The following VPS13B variants were observed in gnomAD, a reference collection of about 807,000 sequenced individuals.
VPS13B encodes the protein intermembrane lipid transfer protein VPS13B.
A neutral mutation model predicts 426.4 loss-of-function variants in VPS13B; 285 were observed. The observed-to-expected ratio is 0.67, with a 90% CI of 0.61 to 0.74. The LOEUF (loss-of-function observed/expected upper bound fraction) is 0.74. Among genes scored for constraint, VPS13B ranks in the 30% least tolerant of loss-of-function variants. The pLI is 0.00. For missense variants in VPS13B, 4,537 were observed against 4,782.6 expected, an observed-to-expected ratio of 0.95 and a Z score of 1.51; for synonymous variants, 1,676 against 1,676.4, an observed-to-expected ratio of 1.00 and a Z score of 0.01.
rs780752470 is a variant in VPS13B, at chr8:99,778,890, C to T, written c.7638C>T (p.Phe2546=). 5 of 1,614,008 alleles carry T rather than the reference C, an allele frequency of 3.1e-6. No homozygotes were observed. The South Asian group carries it at 5.5e-5, about 18-fold the overall frequency. The change falls in exon 42 of 62, where the codon TTC becomes TTT. Residue 2546 remains phenylalanine (F), a synonymous_variant. Coordinates refer to ENST00000357162, the MANE Select transcript of VPS13B (RefSeq NM_152564.5). ...CTATGCAAAGTGTGGTGAAACCCTTCAGCATCTTCGGGCAGATGGCAGTTT... is the reference window on the plus strand; with the variant it reads ...CTATGCAAAGTGTGGTGAAACCCTTTAGCATCTTCGGGCAGATGGCAGTTT... The part of the protein sequence containing the change: ...NVTMQSVVKP[F]SIFGQMAVSS...
At chr8:99,149,504 G>A (rs1452384744) in intron 14 of VPS13B, among the ~76,000 whole-genome samples, 1 of 152,096 alleles carries the variant, frequency 6.6e-6, no homozygotes, top group African/African-American at 2.4e-5. Flanking sequence ...TTTTAGTAGA[G>A]ACAGGATTTC....
intron 33 of VPS13B, among the ~76,000 whole-genome samples, chr8:99,595,592 C>G (rs997390429): frequency 6.6e-6 from 1 of 151,236 alleles, no homozygotes; most frequent in Non-Finnish European, 1.5e-5. Context: ...CACCAAATCA[C>G]AAAAACTAAA....
intron 17 of VPS13B, among the ~76,000 whole-genome samples, chr8:99,204,686 T>A (rs1219654261): frequency 6.6e-6 from 1 of 151,856 alleles, no homozygotes. Flanking sequence ...TATGAAAAAG[T>A]GTGCAAAAGA....
chr8:99,465,115 G>T (rs1031702170), intron 23 of VPS13B, among the ~76,000 whole-genome samples: 3 of 152,240 alleles, frequency 2.0e-5, no homozygotes, highest in Middle Eastern at 3.4e-3. Context: ...GCTATATGAA[G>T]TTCTCAGAAT....
intron 19 of VPS13B, among the ~76,000 whole-genome samples, chr8:99,366,477 T>A (rs1338645739): frequency 6.6e-6 from 1 of 151,898 alleles, no homozygotes; most frequent in Non-Finnish European, 1.5e-5. Context: ...AGTGTCTTTA[T>A]GGGTGAAGTG....
chr8:99,825,950 T>C (rs1814661622), intron 51 of VPS13B, among the ~76,000 whole-genome samples: 2 of 152,086 alleles, frequency 1.3e-5, no homozygotes, highest in Admixed American at 6.5e-5. Context: ...GGTACCAGTG[T>C]CATGCTGTTT....
chr8:99,572,098 T>C (rs1332066267), intron 31 of VPS13B, among the ~76,000 whole-genome samples: 1 of 152,182 alleles, frequency 6.6e-6, no homozygotes, highest in Non-Finnish European at 1.5e-5. Flanking sequence ...TATAAGGGAA[T>C]AATAAGGGCA....
chr8:99,865,518 C>T (rs554902476), intron 58 of VPS13B, among the ~76,000 whole-genome samples: 7 of 152,312 alleles, frequency 4.6e-5, no homozygotes, highest in African/African-American at 1.4e-4. Flanking sequence ...AAGTCCCCTC[C>T]GAGGGAGTGA....
At chr8:99,428,309 CT>C (rs1290578416) in intron 21 of VPS13B, among the ~76,000 whole-genome samples, 1 of 152,120 alleles carries the variant, frequency 6.6e-6, no homozygotes, top group Non-Finnish European at 1.5e-5. Flanking sequence ...AACTAAAGAG[CT>C]TCTGCACAGC....
intron 17 of VPS13B, among the ~76,000 whole-genome samples, chr8:99,241,956 A>AT (rs1423843715): frequency 1.8e-4 from 27 of 151,990 alleles, no homozygotes; most frequent in Middle Eastern, 6.8e-3. Context: ...TGAAGCAGTG[A>AT]TTTTTTTCCA....
chr8:99,060,454 C>T (rs1318160151), intron 3 of VPS13B, among the ~76,000 whole-genome samples: 3 of 151,862 alleles, frequency 2.0e-5, no homozygotes, highest in Non-Finnish European at 4.4e-5. Flanking sequence ...ACTAAAAATA[C>T]AAAAATTAGC....
intron 19 of VPS13B, among the ~76,000 whole-genome samples, chr8:99,362,001 TG>T (rs1203403849): frequency 6.6e-6 from 1 of 152,200 alleles, no homozygotes; most frequent in Non-Finnish European, 1.5e-5. Flanking sequence ...GTGCCAGATA[TG>T]GGCACACACC....
chr8:99,290,984 G>A (rs1212020407), intron 19 of VPS13B, among the ~76,000 whole-genome samples: 2 of 152,080 alleles, frequency 1.3e-5, no homozygotes, highest in Non-Finnish European at 1.5e-5. Flanking sequence ...GAGTGCCAAA[G>A]GAAATAGTTA....
At chr8:99,281,660 A>G (rs868362967) in intron 19 of VPS13B, among the ~76,000 whole-genome samples, 23 of 152,338 alleles carry the variant, frequency 1.5e-4, no homozygotes, top group Non-Finnish European at 2.8e-4. Flanking sequence ...GCGATAAGTA[A>G]TAAAGTCCTT....
At chr8:99,276,726 A>G (rs1447601384) in intron 19 of VPS13B, among the ~76,000 whole-genome samples, 1 of 152,168 alleles carries the variant, frequency 6.6e-6, no homozygotes, top group Non-Finnish European at 1.5e-5. Context: ...CTATTTAATC[A>G]TGTTCCTTAA....
intron 19 of VPS13B, among the ~76,000 whole-genome samples, chr8:99,309,784 T>G (rs1308457861): frequency 6.6e-6 from 1 of 152,220 alleles, no homozygotes; most frequent in Non-Finnish European, 1.5e-5. Flanking sequence ...GTATGGCCAT[T>G]TTCATGATAT....
At chr8:99,635,133 T>C (rs1829018783) in intron 33 of VPS13B, among the ~76,000 whole-genome samples, 1 of 152,024 alleles carries the variant, frequency 6.6e-6, no homozygotes, top group Admixed American at 6.6e-5. Context: ...TTTTCAAGTT[T>C]GTAAAAATTC....
intron 51 of VPS13B, among the ~76,000 whole-genome samples, chr8:99,829,692 T>G (rs1814933596): frequency 2.0e-5 from 3 of 152,224 alleles, no homozygotes; most frequent in African/African-American, 7.2e-5. Flanking sequence ...TTTTTGGAAT[T>G]TTCAGCCTTT....
chr8:99,074,501 C>T (rs1845015137), intron 3 of VPS13B, among the ~76,000 whole-genome samples: 1 of 149,836 alleles, frequency 6.7e-6, no homozygotes, highest in African/African-American at 2.5e-5. Context: ...CAGTGAGACT[C>T]CGTCTCAAAA....
Sources: allele counts gnomAD v4.1 joint callset (sites outside exome capture counted in the v4.1 genomes callset), GRCh38; gene constraint gnomAD v4.1.1; transcripts MANE v1.5; gene names NCBI Gene and HGNC (gene_info 2026-07-23, HGNC 2026-07-21).